Variants in TMEM230 observed in about 807,000 individuals in gnomAD.
TMEM230 encodes transmembrane protein 230.
A neutral mutation model predicts 15.8 loss-of-function variants in TMEM230; 10 were observed. That is an observed-to-expected ratio of 0.63 (90% CI 0.39 to 1.07). The LOEUF is 1.07. Among genes scored for constraint, TMEM230 ranks in the 50% least tolerant of loss-of-function variants. The pLI is 0.01. For missense variants in TMEM230, 165 were observed against 193.3 expected (o/e 0.85, Z 0.87); for synonymous variants, 67 against 76.9 (o/e 0.87, Z 0.68).
intron 1 of TMEM230, among the ~76,000 whole-genome samples, chr20:5,112,450 A>T (rs915713574): frequency 1.3e-5 from 2 of 152,214 alleles, no homozygotes; most frequent in African/African-American, 4.8e-5. Flanking sequence ...TTTTTAAAGT[A>T]CGTCCCCTGA....
chr20:5,101,655 G>A (rs2089869330), intron 4 of TMEM230, among the ~76,000 whole-genome samples: 1 of 151,964 alleles, frequency 6.6e-6, no homozygotes, highest in Non-Finnish European at 1.5e-5. Context: ...CTCGAACTCT[G>A]GGGCTCAAGC....
intron 1 of TMEM230, chr20:5,112,576 G>A (rs996905402): frequency 4.6e-6 from 3 of 656,312 alleles, no homozygotes; most frequent in South Asian, 2.7e-5. Context: ...AAATAAAAAC[G>A]AGCATTTTCA....
intron 3 of TMEM230, among the ~76,000 whole-genome samples, chr20:5,075,121 A>C (rs1169226564): frequency 6.6e-6 from 1 of 150,968 alleles, no homozygotes; most frequent in Non-Finnish European, 1.5e-5. Flanking sequence ...GCTGGAGTGC[A>C]ATGGCACGAT....
At chr20:5,108,960 AAC>A (rs2090200954) in intron 3 of TMEM230, among the ~76,000 whole-genome samples, 1 of 152,194 alleles carries the variant, frequency 6.6e-6, no homozygotes, top group Admixed American at 6.5e-5. Context: ...AGTGTAAATA[AAC>A]AGTGATAAAA....
At chr20:5,071,150 G>A (rs2088809892) in intron 3 of TMEM230, among the ~76,000 whole-genome samples, 1 of 152,160 alleles carries the variant, frequency 6.6e-6, no homozygotes, top group African/African-American at 2.4e-5. Flanking sequence ...GCTTGGGAGT[G>A]CGGATACCTT....
At chr20:5,107,162 C>T (rs1438984749) in intron 3 of TMEM230, among the ~76,000 whole-genome samples, 2 of 152,142 alleles carry the variant, frequency 1.3e-5, no homozygotes, top group Non-Finnish European at 2.9e-5. Context: ...ATTAGCCGGG[C>T]GTGGTGGCAT....
chr20:5,111,808 C>A (rs749622809), intron 1 of TMEM230: 94 of 979,044 alleles, frequency 9.6e-5, no homozygotes, highest in Non-Finnish European at 1.1e-4. Context: ...TTTGTACATA[C>A]CTAATTCCAA....
intron 3 of TMEM230, among the ~76,000 whole-genome samples, chr20:5,072,491 G>A (rs1184785454): frequency 6.6e-6 from 1 of 151,936 alleles, no homozygotes; most frequent in Non-Finnish European, 1.5e-5. Context: ...GGAGCTGGTA[G>A]GAAAGAGTGT....
At chr20:5,086,154 G>A (rs990416248) in intron 3 of TMEM230, among the ~76,000 whole-genome samples, 2 of 151,724 alleles carry the variant, frequency 1.3e-5, no homozygotes, top group African/African-American at 4.8e-5. Flanking sequence ...CAGCACTTTG[G>A]GAGGCCAAGG....
At chr20:5,072,735 G>A (rs2088867021) in intron 3 of TMEM230, among the ~76,000 whole-genome samples, 1 of 150,578 alleles carries the variant, frequency 6.6e-6, no homozygotes, top group Non-Finnish European at 1.5e-5. Context: ...TGTAGTCCCA[G>A]CTACACGGGA....
chr20:5,063,967 A>G (rs1333986008), downstream of TMEM230, among the ~76,000 whole-genome samples: 2 of 152,150 alleles, frequency 1.3e-5, no homozygotes, highest in African/African-American at 4.8e-5. Flanking sequence ...CTCACAGATA[A>G]CGAAACAAGA....
At chr20:5,087,667 A>G (rs1168895774) in intron 3 of TMEM230, among the ~76,000 whole-genome samples, 25 of 145,968 alleles carry the variant, frequency 1.7e-4, no homozygotes, top group Non-Finnish European at 9.0e-5. Context: ...TATCACCTAA[A>G]TCTGGTAAAT....
chr20:5,100,103 A>C lies in TMEM230; in HGVS notation c.*688T>G. The C allele has an allele frequency of 1.0e-6, 1 of 985,460 alleles. No individual in the cohort carries two copies. Among genetic ancestry groups the C allele is most frequent in the Non-Finnish European group, 1.2e-6 (1 of 829,942 alleles). The allele number at this position is 985,460 out of a possible 1,614,324, so 61.0% of individuals were successfully genotyped here. A position where few individuals can be genotyped will look rare whatever the true frequency, so the allele number is the denominator to read the frequency against. The stretch of plus-strand genomic sequence containing the variant: ...AAACAGCCAAAAGTCCGGCCGTTAA[A>C]GGAATAATCTGCAGAACATCTTGAT... On this transcript the variant is annotated 3_prime_UTR_variant, in exon 5 of 5. Coordinates refer to ENST00000342308, the MANE Select transcript of TMEM230 (RefSeq NM_001009923.2).
At chr20:5,092,688 C>T (rs867554001) in intron 3 of TMEM230, among the ~76,000 whole-genome samples, 9 of 146,622 alleles carry the variant, frequency 6.1e-5, no homozygotes, top group Middle Eastern at 3.5e-3. Context: ...GTACTCCAGC[C>T]TGGGCAACAA....
chr20:5,112,852 G>C (rs565123586), intron 1 of TMEM230, 109 bp downstream of exon 1: 17 of 1,544,758 alleles, frequency 1.1e-5, no homozygotes, highest in Non-Finnish European at 1.5e-5. Context: ...GGGGACGAAT[G>C]CCCCACACGG....
intron 3 of TMEM230, among the ~76,000 whole-genome samples, chr20:5,080,685 G>C (rs1368100188): frequency 3.3e-5 from 5 of 151,848 alleles, no homozygotes; most frequent in Non-Finnish European, 5.9e-5. Context: ...TCCCGCCTCA[G>C]CCTCCTTAAT....
At chr20:5,112,378 A>C (rs955820453) in intron 1 of TMEM230, among the ~76,000 whole-genome samples, 4 of 152,236 alleles carry the variant, frequency 2.6e-5, no homozygotes, top group African/African-American at 4.8e-5. Flanking sequence ...AACAAAGTTC[A>C]AACTACCAGT....
Position 5,099,998 on chromosome 20 carries a change from G to A in TMEM230, c.*793C>T. On this transcript the variant is annotated 3_prime_UTR_variant, in exon 5 of 5. Coordinates refer to ENST00000342308, the MANE Select transcript of TMEM230 (RefSeq NM_001009923.2). ...CATCCAGGCTGATCCTTGGAATCAT[G>A]AGCAGAATGATGACATACTACAAGG... The A allele has an allele frequency of 1.0e-6, 1 of 985,252 alleles. No individual in the cohort carries two copies. Among genetic ancestry groups the A allele is most frequent in the Non-Finnish European group, 1.2e-6 (1 of 829,850 alleles). The allele number at this position is 985,252 out of a possible 1,614,324, so 61.0% of individuals were successfully genotyped here.
intron 3 of TMEM230, among the ~76,000 whole-genome samples, chr20:5,094,112 C>A (rs776660511): frequency 4.6e-5 from 7 of 151,988 alleles, no homozygotes; most frequent in Non-Finnish European, 8.8e-5. Context: ...GCACGTGCCA[C>A]CATACCTGGC....
Sources: gnomAD v4.1 joint callset for allele counts (sites outside exome capture counted in the v4.1 genomes callset) on GRCh38, gnomAD v4.1.1 for gene constraint, MANE v1.5 for transcripts, NCBI Gene and HGNC (gene_info 2026-07-23, HGNC 2026-07-21) for gene names.